CCDC73: variants seen among roughly 807,000 people sequenced by gnomAD.
CCDC73 encodes coiled-coil domain-containing protein 73.
CCDC73 carries 95 observed loss-of-function variants against 116.5 expected under a neutral mutation model. The observed-to-expected ratio is 0.82, with a 90% CI of 0.69 to 0.97. The LOEUF (loss-of-function observed/expected upper bound fraction) is 0.97. Among genes scored for constraint, CCDC73 ranks in the 50% least tolerant of loss-of-function variants. The pLI is 0.00. For synonymous variants in CCDC73, 398 were observed against 401.3 expected (o/e 0.99, Z 0.10); for missense variants, 1,066 against 1,206.8 (o/e 0.88, Z 1.73).
At position 32,614,484 on chromosome 11, in the gene CCDC73, C is replaced by G; in HGVS notation, c.1834G>C (p.Glu612Gln). Residue 612 changes from glutamate to glutamine, a missense_variant, in exon 16 of 18, where the codon GAA (glutamate) becomes CAA (glutamine). Glu to Gln is a conservative substitution (Grantham distance 29). Transcript: ENST00000335185. ...GTAATTTCCTTCTCTAGAGCATGTT[C>G]TCGAGTCCCTGGAAGCAATCTGAAT... is the stretch of plus-strand genomic sequence containing the variant. ...KQFRLLPGTR[E>Q]HALEKEITNS... 2 of 1,613,360 alleles carry G rather than the reference C, an allele frequency of 1.2e-6. No individual in the cohort carries two copies. Among genetic ancestry groups the G allele is most frequent in the Non-Finnish European group, 1.7e-6 (2 of 1,179,628 alleles).
intron 7 of CCDC73, among the ~76,000 whole-genome samples, chr11:32,678,891 A>T (rs1399644620): frequency 2.9e-4 from 43 of 149,160 alleles, no homozygotes; most frequent in African/African-American, 1.0e-3. Context: ...ACAAAAAAAA[A>T]AAAAAAATAT....
intron 14 of CCDC73, among the ~76,000 whole-genome samples, chr11:32,626,261 A>G (rs2133233181): frequency 6.6e-6 from 1 of 152,076 alleles, no homozygotes; most frequent in Admixed American, 6.6e-5. Flanking sequence ...TAGGAATCCA[A>G]CTTACAAGGG....
Position 32,717,608 on chromosome 11 carries a change from T to C in CCDC73, c.207+468A>G, listed in dbSNP as rs116127469. Among the ~76,000 whole-genome samples, 1,091 of 152,324 alleles carry C rather than the reference T, an allele frequency of 7.2e-3. 17 individuals carry two copies. The highest frequency in any genetic ancestry group is 0.025 in the African/African-American group (1,051 of 41,558). On this transcript the variant is annotated intron_variant, in intron 3 of 17. Coordinates refer to ENST00000335185, the MANE Select transcript of CCDC73 (RefSeq NM_001008391.4). ...ATAATCCACTAACACCTGAATATGT[T>C]AGAAAATTTAAAAATTAACTTGGCA...
At chr11:32,640,772 C>A (rs1275307590) in intron 13 of CCDC73, among the ~76,000 whole-genome samples, 1 of 152,184 alleles carries the variant, frequency 6.6e-6, no homozygotes, top group Non-Finnish European at 1.5e-5. Flanking sequence ...AATCCCAGCA[C>A]TTTGGAAGGC....
chr11:32,776,999 A>ATG (rs1209481692), intron 1 of CCDC73, among the ~76,000 whole-genome samples: 1 of 90,792 alleles, frequency 1.1e-5, no homozygotes, highest in Non-Finnish European at 2.5e-5. Context: ...GTATATATAT[A>ATG]TATATATATA....
At chr11:32,772,799 T>C (rs1850502195) in intron 1 of CCDC73, among the ~76,000 whole-genome samples, 1 of 152,090 alleles carries the variant, frequency 6.6e-6, no homozygotes, top group Non-Finnish European at 1.5e-5. Flanking sequence ...AAAAGACAAA[T>C]AATAATGAGT....
At chr11:32,704,203 G>A (rs1044423137) in intron 3 of CCDC73, among the ~76,000 whole-genome samples, 1 of 152,224 alleles carries the variant, frequency 6.6e-6, no homozygotes, top group Non-Finnish European at 1.5e-5. Context: ...TCTAAACCCA[G>A]GTATCCCTGC....
Position 32,613,810 on chromosome 11 carries a change from CTG to C in CCDC73, c.2506_2507del (p.Gln836AlafsTer6), listed in dbSNP as rs1186507403. 2 of 1,613,634 alleles carry C rather than the reference CTG, an allele frequency of 1.2e-6. No homozygotes were observed. The highest frequency in any genetic ancestry group is 4.5e-5 in the East Asian group (2 of 44,864). ...LFLFVSINER[Q>X]HTLLNNTEKT... ...TCTCTGTATTATTTAACAATGTATG[CTG>C]TCTTTCATTAATGCTCACAAAAAGG... On this transcript the variant is annotated frameshift_variant, in exon 16 of 18. Transcript: ENST00000335185. LOFTEE classifies it high-confidence loss of function.
intron 16 of CCDC73, 47 bp from the exon 17 acceptor site, chr11:32,611,312 A>T (rs1474148836): frequency 8.3e-6 from 13 of 1,561,458 alleles, no homozygotes; most frequent in Non-Finnish European, 1.0e-5. Flanking sequence ...TTCTCTAGGT[A>T]CTCATTTTAG....
intron 2 of CCDC73, among the ~76,000 whole-genome samples, chr11:32,725,010 T>C (rs1850019058): frequency 6.6e-6 from 1 of 152,200 alleles, no homozygotes; most frequent in South Asian, 2.1e-4. Context: ...TCAAATATTA[T>C]CATTACCATT....
intron 12 of CCDC73, among the ~76,000 whole-genome samples, chr11:32,649,936 GC>G (rs1855811852): frequency 6.6e-6 from 1 of 152,062 alleles, no homozygotes; most frequent in Non-Finnish European, 1.5e-5. Flanking sequence ...ATAAAATCTA[GC>G]TTCTCTATAT....
intron 1 of CCDC73, among the ~76,000 whole-genome samples, chr11:32,772,076 C>A (rs1414708056): frequency 6.6e-6 from 1 of 152,178 alleles, no homozygotes; most frequent in African/African-American, 2.4e-5. Flanking sequence ...GCAAGACCAG[C>A]AGAAAAACAT....
intron 13 of CCDC73, among the ~76,000 whole-genome samples, chr11:32,637,011 CT>C (rs750191536): frequency 3.2e-5 from 2 of 62,366 alleles, no homozygotes; most frequent in South Asian, 4.6e-4. Context: ...TTCACTTTTT[CT>C]TTTTCTTTTT....
At chr11:32,640,222 A>C (rs546526615) in intron 13 of CCDC73, among the ~76,000 whole-genome samples, 1 of 152,354 alleles carries the variant, frequency 6.6e-6, no homozygotes, top group South Asian at 2.1e-4. Flanking sequence ...TAATGGAAGC[A>C]AAATGATTGC....
chr11:32,765,682 C>T (rs1168103004), intron 1 of CCDC73, among the ~76,000 whole-genome samples: 1 of 152,030 alleles, frequency 6.6e-6, no homozygotes, highest in Non-Finnish European at 1.5e-5. Flanking sequence ...AAATTGACAC[C>T]CTAACATCAC....
chr11:32,690,734 G>C (rs921876271), intron 6 of CCDC73, among the ~76,000 whole-genome samples: 30 of 152,048 alleles, frequency 2.0e-4, no homozygotes, highest in African/African-American at 7.0e-4. Flanking sequence ...TTCCTATACA[G>C]CCTGCAGAAC....
At chr11:32,784,960 G>A (rs1850614356) in intron 1 of CCDC73, among the ~76,000 whole-genome samples, 1 of 152,106 alleles carries the variant, frequency 6.6e-6, no homozygotes, top group African/African-American at 2.4e-5. Context: ...GATCATTTGA[G>A]GTCAGGAGTT....
chr11:32,675,249 G>A (rs1383651258), intron 9 of CCDC73, among the ~76,000 whole-genome samples: 2 of 152,096 alleles, frequency 1.3e-5, no homozygotes, highest in Non-Finnish European at 2.9e-5. Context: ...ATAGCACCCA[G>A]TATATAAAAG....
intron 6 of CCDC73, among the ~76,000 whole-genome samples, chr11:32,696,182 A>G (rs1317106895): frequency 1.3e-5 from 2 of 152,174 alleles, no homozygotes; most frequent in Non-Finnish European, 2.9e-5. Context: ...AACAAACTTA[A>G]TAACATTTTA....
Sources: gnomAD v4.1 joint callset for allele counts (sites outside exome capture counted in the v4.1 genomes callset) on GRCh38, gnomAD v4.1.1 for gene constraint, MANE v1.5 for transcripts, NCBI Gene and HGNC (gene_info 2026-07-23, HGNC 2026-07-21) for gene names.